The following CADM2 variants were observed in gnomAD, a reference collection of about 807,000 sequenced individuals.
CADM2 encodes cell adhesion molecule 2.
A neutral mutation model predicts 49.8 loss-of-function variants in CADM2; 12 were observed. The ratio of observed to expected loss-of-function variants is 0.24; its 90% CI spans 0.15 to 0.39. The LOEUF (loss-of-function observed/expected upper bound fraction) is 0.39. CADM2 is among the 10% of genes least tolerant of loss of function. The pLI is 1.00. For missense variants in CADM2, 378 were observed against 492.3 expected, an observed-to-expected ratio of 0.77 and a Z score of 2.20; for synonymous variants, 214 against 175.4, an observed-to-expected ratio of 1.22 and a Z score of -1.74.
chr3:85,014,428 A>G (rs1027249856), intron 1 of CADM2, among the ~76,000 whole-genome samples: 3 of 147,850 alleles, frequency 2.0e-5, no homozygotes, highest in African/African-American at 7.4e-5. Flanking sequence ...ATGTACACAT[A>G]GGAAAAAAAC....
intron 1 of CADM2, among the ~76,000 whole-genome samples, chr3:85,013,109 C>G (rs561564124): frequency 2.3e-4 from 35 of 149,924 alleles, no homozygotes; most frequent in African/African-American, 8.1e-4. Flanking sequence ...TGATATGACC[C>G]ACTCAGAAGA....
chr3:85,294,365 C>T (rs1262214391), intron 1 of CADM2, among the ~76,000 whole-genome samples: 1 of 151,880 alleles, frequency 6.6e-6, no homozygotes, highest in Non-Finnish European at 1.5e-5. Context: ...CCATACTGCC[C>T]AAGGTAATTT....
chr3:85,632,851 AAT>A (rs1468472988), intron 1 of CADM2, among the ~76,000 whole-genome samples: 5 of 152,092 alleles, frequency 3.3e-5, no homozygotes, highest in Admixed American at 6.6e-5. Context: ...CTGGAAATTT[AAT>A]ATGACTATTA....
chr3:85,369,646 A>G (rs2033052614), intron 1 of CADM2, among the ~76,000 whole-genome samples: 1 of 152,288 alleles, frequency 6.6e-6, no homozygotes, highest in Admixed American at 6.5e-5. Context: ...AAACTTAGAC[A>G]TGGTAGATCT....
intron 8 of CADM2, among the ~76,000 whole-genome samples, chr3:85,964,241 T>C (rs935884610): frequency 4.6e-5 from 7 of 151,830 alleles, no homozygotes; most frequent in African/African-American, 1.7e-4. Flanking sequence ...ACTTTACCCT[T>C]TTATCTTTTA....
chr3:85,484,451 C>T (rs1320561049), intron 1 of CADM2, among the ~76,000 whole-genome samples: 1 of 151,900 alleles, frequency 6.6e-6, no homozygotes, highest in Non-Finnish European at 1.5e-5. Flanking sequence ...GTGCTTCTCC[C>T]TACCATTTCC....
chr3:85,908,190 A>G (rs1161636350), intron 5 of CADM2, among the ~76,000 whole-genome samples: 1 of 149,670 alleles, frequency 6.7e-6, no homozygotes, highest in Non-Finnish European at 1.5e-5. Context: ...CTCCGGAAAT[A>G]TGATATTTTG....
intron 1 of CADM2, among the ~76,000 whole-genome samples, chr3:85,377,235 A>G (rs1244503269): frequency 6.6e-6 from 1 of 152,066 alleles, no homozygotes; most frequent in Non-Finnish European, 1.5e-5. Flanking sequence ...GCTTTGTGAC[A>G]AACAAAAGTA....
At chr3:85,928,696 A>T (rs2108521137) in intron 6 of CADM2, among the ~76,000 whole-genome samples, 1 of 152,284 alleles carries the variant, frequency 6.6e-6, no homozygotes, top group Non-Finnish European at 1.5e-5. Context: ...GATACTTACA[A>T]GTACTGAAAA....
At position 85,765,052 on chromosome 3, in the gene CADM2, A is replaced by G. The variant is rs576379975; in HGVS notation, c.89-36995A>G. Among the ~76,000 whole-genome samples, 29 of 152,182 alleles carry G rather than the reference A, an allele frequency of 1.9e-4. No individual in the cohort carries two copies. The South Asian group carries it at 6.0e-3, about 32-fold the overall frequency. On this transcript the variant is annotated intron_variant, in intron 2 of 9. Transcript: ENST00000383699. ...CTTTGGGAAGAATGTCAGAGAATGT[A>G]AAGAGCTCAACTTTGAATTTTTAAT...
chr3:85,359,666 A>ATATACATATATATATATATATTTTT, intron 1 of CADM2, among the ~76,000 whole-genome samples: 1 of 26,544 alleles, frequency 3.8e-5, no homozygotes, highest in Non-Finnish European at 8.1e-5. Context: ...ATATATATAT[A>ATATACATATATATATATATATTTTT]TTTTTTTTTT....
chr3:84,962,363 A>T (rs1482553158), intron 1 of CADM2, among the ~76,000 whole-genome samples: 1 of 151,922 alleles, frequency 6.6e-6, no homozygotes, highest in Admixed American at 6.6e-5. Flanking sequence ...TTTATTCATC[A>T]AACACTGCTC....
At chr3:85,962,167 C>T (rs768210178) in intron 8 of CADM2, among the ~76,000 whole-genome samples, 1 of 151,920 alleles carries the variant, frequency 6.6e-6, no homozygotes, top group Non-Finnish European at 1.5e-5. Context: ...TATCAGCCTG[C>T]CTCGGCTTCC....
intron 1 of CADM2, among the ~76,000 whole-genome samples, chr3:85,690,104 T>C (rs1385785354): frequency 2.0e-5 from 3 of 152,258 alleles, no homozygotes; most frequent in South Asian, 4.1e-4. Flanking sequence ...TTTTTTATCA[T>C]GGGAGAGGAG....
intron 2 of CADM2, among the ~76,000 whole-genome samples, chr3:85,741,982 TAA>T (rs1046106598): frequency 1.3e-5 from 2 of 152,328 alleles, no homozygotes; most frequent in Non-Finnish European, 2.9e-5. Flanking sequence ...TAGACGGATA[TAA>T]GTTACTTGTT....
At chr3:85,713,442 G>A (rs185182195) in intron 1 of CADM2, among the ~76,000 whole-genome samples, 41 of 152,210 alleles carry the variant, frequency 2.7e-4, no homozygotes, top group Non-Finnish European at 5.0e-4. Context: ...GAGCCACCGT[G>A]CCTAGCCTAA....
At chr3:85,352,668 A>G (rs2031462937) in intron 1 of CADM2, among the ~76,000 whole-genome samples, 1 of 152,106 alleles carries the variant, frequency 6.6e-6, no homozygotes, top group African/African-American at 2.4e-5. Context: ...TGAAATATCA[A>G]TTTTGCTTCC....
At chr3:85,476,276 C>T (rs969047696) in intron 1 of CADM2, among the ~76,000 whole-genome samples, 1 of 151,844 alleles carries the variant, frequency 6.6e-6, no homozygotes, top group Non-Finnish European at 1.5e-5. Context: ...GGGGAAGAGA[C>T]ATGTAGCACA....
At chr3:86,017,672 A>G (rs1732459196) in intron 8 of CADM2, among the ~76,000 whole-genome samples, 1 of 151,336 alleles carries the variant, frequency 6.6e-6, no homozygotes, top group African/African-American at 2.4e-5. Flanking sequence ...AGGCTGCAGT[A>G]AGCCGAGACT....
Sources: allele counts gnomAD v4.1 joint callset (sites outside exome capture counted in the v4.1 genomes callset), GRCh38; gene constraint gnomAD v4.1.1; transcripts MANE v1.5; gene names NCBI Gene and HGNC (gene_info 2026-07-23, HGNC 2026-07-21).